Variants in PABPC4L observed in about 807,000 individuals in gnomAD.
The protein encoded by PABPC4L is polyadenylate-binding protein 4-like.
For synonymous variants in PABPC4L, 169 were observed against 164.1 expected, an observed-to-expected ratio of 1.03 and a Z score of -0.23; for missense variants, 452 against 451.4, an observed-to-expected ratio of 1.00 and a Z score of -0.01.
chr4:134,016,837 G>T, the PABPC4L span, among the ~76,000 whole-genome samples: 1 of 152,084 alleles, frequency 6.6e-6, no homozygotes, highest in Non-Finnish European at 1.5e-5. Context: ...CTCAGGGATT[G>T]TCCAGGCCCC....
At chr4:134,035,090 G>T in the PABPC4L span, among the ~76,000 whole-genome samples, 2 of 151,956 alleles carry the variant, frequency 1.3e-5, no homozygotes, top group Non-Finnish European at 2.9e-5. Flanking sequence ...AGTCATCAAC[G>T]TGGAGACAAA....
chr4:134,166,277 G>C, the PABPC4L span, among the ~76,000 whole-genome samples: 4 of 152,080 alleles, frequency 2.6e-5, no homozygotes, highest in South Asian at 8.3e-4. Context: ...CAAAGCTGTT[G>C]ACATAAATAA....
chr4:134,192,212 T>A (rs1729530560), downstream of PABPC4L, among the ~76,000 whole-genome samples: 1 of 152,140 alleles, frequency 6.6e-6, no homozygotes, highest in South Asian at 2.1e-4. Context: ...TGCTGATACA[T>A]GCTCCAACAT....
At chr4:134,037,732 T>C in the PABPC4L span, among the ~76,000 whole-genome samples, 1 of 152,134 alleles carries the variant, frequency 6.6e-6, no homozygotes, top group African/African-American at 2.4e-5. Context: ...GGTGAGACGA[T>C]GGGGTTTTCT....
the PABPC4L span, among the ~76,000 whole-genome samples, chr4:134,159,710 C>T: frequency 6.6e-6 from 1 of 152,048 alleles, no homozygotes. Context: ...AGTAAGGCCA[C>T]AGAGACTGCA....
the PABPC4L span, among the ~76,000 whole-genome samples, chr4:134,072,945 C>T: frequency 6.6e-6 from 1 of 152,008 alleles, no homozygotes; most frequent in Non-Finnish European, 1.5e-5. Context: ...CCAGTGGGTC[C>T]CTCCCATGAC....
the PABPC4L span, among the ~76,000 whole-genome samples, chr4:133,971,403 G>T: frequency 2.6e-5 from 4 of 151,982 alleles, no homozygotes; most frequent in South Asian, 2.1e-4. Context: ...GAGCCACCGC[G>T]CCCGGCCTTA....
the PABPC4L span, among the ~76,000 whole-genome samples, chr4:134,097,162 G>C: frequency 2.6e-5 from 4 of 151,830 alleles, no homozygotes; most frequent in African/African-American, 9.7e-5. Context: ...GGCAAATTTT[G>C]CCTATTAGTT....
chr4:134,194,129 G>A (rs1729588215), downstream of PABPC4L, among the ~76,000 whole-genome samples: 1 of 151,842 alleles, frequency 6.6e-6, no homozygotes, highest in African/African-American at 2.4e-5. Context: ...AAAAAAAGAA[G>A]AGTTATGTTG....
At chr4:134,135,411 C>A in the PABPC4L span, among the ~76,000 whole-genome samples, 1 of 152,104 alleles carries the variant, frequency 6.6e-6, no homozygotes, top group Non-Finnish European at 1.5e-5. Context: ...AAATGTTTAT[C>A]AAATCTGCAT....
At chr4:133,998,762 G>A in the PABPC4L span, among the ~76,000 whole-genome samples, 1 of 151,830 alleles carries the variant, frequency 6.6e-6, no homozygotes, top group South Asian at 2.1e-4. Context: ...TGTTGGCATG[G>A]AGTTGGATAT....
chr4:134,074,294 T>C, the PABPC4L span, among the ~76,000 whole-genome samples: 1 of 152,142 alleles, frequency 6.6e-6, no homozygotes, highest in East Asian at 1.9e-4. Flanking sequence ...TGAAGGGTGA[T>C]CTTTACTCTA....
At chr4:133,985,648 T>C in the PABPC4L span, among the ~76,000 whole-genome samples, 155 of 152,160 alleles carry the variant, frequency 1.0e-3, no homozygotes, top group Non-Finnish European at 1.9e-3. Context: ...GCAATTATAA[T>C]GATTTTAATA....
chr4:134,160,193 C>A, the PABPC4L span, among the ~76,000 whole-genome samples: 1 of 152,044 alleles, frequency 6.6e-6, no homozygotes, highest in Non-Finnish European at 1.5e-5. Flanking sequence ...ACAGATGTGA[C>A]CCAGGGCCAT....
At chr4:134,136,598 T>C in the PABPC4L span, among the ~76,000 whole-genome samples, 2 of 152,094 alleles carry the variant, frequency 1.3e-5, no homozygotes, top group East Asian at 3.9e-4. Flanking sequence ...TTTTTAGATA[T>C]TTATGTGCAG....
chr4:133,957,232 G>A, the PABPC4L span, among the ~76,000 whole-genome samples: 2 of 152,146 alleles, frequency 1.3e-5, no homozygotes, highest in Non-Finnish European at 2.9e-5. Context: ...TAGAGGCAGT[G>A]GGTAAATATA....
At chr4:133,952,075 T>C in the PABPC4L span, among the ~76,000 whole-genome samples, 1 of 152,156 alleles carries the variant, frequency 6.6e-6, no homozygotes, top group Non-Finnish European at 1.5e-5. Context: ...TAAGCAAGCT[T>C]ATGGTAGCTG....
the PABPC4L span, among the ~76,000 whole-genome samples, chr4:134,052,174 C>G: frequency 6.6e-6 from 1 of 151,950 alleles, no homozygotes; most frequent in African/African-American, 2.4e-5. Context: ...GGATACATCA[C>G]CTCCCTAGGT....
At chr4:134,114,083 T>G in the PABPC4L span, among the ~76,000 whole-genome samples, 1 of 151,610 alleles carries the variant, frequency 6.6e-6, no homozygotes, top group African/African-American at 2.4e-5. Flanking sequence ...GGAAGCTATT[T>G]GAAACTTCTG....
Sources: gnomAD v4.1 joint callset for allele counts (sites outside exome capture counted in the v4.1 genomes callset) on GRCh38, gnomAD v4.1.1 for gene constraint, MANE v1.5 for transcripts, NCBI Gene and HGNC (gene_info 2026-07-23, HGNC 2026-07-21) for gene names.